KCNAB1: variants seen among roughly 807,000 people sequenced by gnomAD.
The protein encoded by KCNAB1 is potassium voltage-gated channel subfamily A regulatory beta subunit 1.
A neutral mutation model predicts 64.6 loss-of-function variants in KCNAB1; 35 were observed. The observed-to-expected ratio is 0.54, with a 90% CI of 0.41 to 0.72. KCNAB1 has a LOEUF of 0.72. Ranked by LOEUF, KCNAB1 falls within the 30% of genes least tolerant of loss-of-function variation. The pLI is 0.00. For missense variants in KCNAB1, 401 were observed against 512.9 expected, an observed-to-expected ratio of 0.78 and a Z score of 2.11; for synonymous variants, 177 against 183.8, an observed-to-expected ratio of 0.96 and a Z score of 0.30.
chr3:156,204,187 A>T (rs1480591774), intron 1 of KCNAB1, among the ~76,000 whole-genome samples: 2 of 152,234 alleles, frequency 1.3e-5, no homozygotes, highest in Non-Finnish European at 2.9e-5. Context: ...TTACATTCAT[A>T]AGTTAGCTGA....
At chr3:156,278,882 T>A (rs1347640712) in intron 1 of KCNAB1, among the ~76,000 whole-genome samples, 1 of 152,162 alleles carries the variant, frequency 6.6e-6, no homozygotes, top group African/African-American at 2.4e-5. Flanking sequence ...TTAATAATGC[T>A]CAGTAAAACA....
At chr3:156,144,197 C>A (rs942710265) in intron 1 of KCNAB1, among the ~76,000 whole-genome samples, 1 of 152,062 alleles carries the variant, frequency 6.6e-6, no homozygotes, top group African/African-American at 2.4e-5. Flanking sequence ...TTCAGAAGGA[C>A]AAGGTACTGA....
At chr3:156,179,357 T>A (rs558388504) in intron 1 of KCNAB1, among the ~76,000 whole-genome samples, 248 of 152,076 alleles carry the variant, frequency 1.6e-3, no homozygotes, top group African/African-American at 5.8e-3. Context: ...AGGGGGGATA[T>A]AAAATTTTAT....
At chr3:156,313,507 G>C (rs568874095) in intron 1 of KCNAB1, among the ~76,000 whole-genome samples, 4 of 152,326 alleles carry the variant, frequency 2.6e-5, no homozygotes, top group South Asian at 2.1e-4. Flanking sequence ...CAGACAGAAG[G>C]CGATGTGATG....
At chr3:156,433,967 C>T (rs920973214) in intron 2 of KCNAB1, among the ~76,000 whole-genome samples, 2 of 152,174 alleles carry the variant, frequency 1.3e-5, no homozygotes, top group African/African-American at 4.8e-5. Context: ...TTGACACTAC[C>T]ATCTGGCATG....
chr3:156,385,806 A>G (rs542913733), intron 1 of KCNAB1, among the ~76,000 whole-genome samples: 1 of 152,354 alleles, frequency 6.6e-6, no homozygotes, highest in East Asian at 1.9e-4. Context: ...ATATCTATAA[A>G]TTAAAGTGAG....
chr3:156,474,608 T>C, intron 7 of KCNAB1, 126 bp from the exon 8 acceptor site: 1 of 639,596 alleles, frequency 1.6e-6, no homozygotes, highest in South Asian at 1.8e-5. Context: ...ATCATTGTAT[T>C]CAACGCATTT....
At chr3:156,171,059 T>A (rs1480844918) in intron 1 of KCNAB1, among the ~76,000 whole-genome samples, 1 of 152,106 alleles carries the variant, frequency 6.6e-6, no homozygotes, top group Non-Finnish European at 1.5e-5. Flanking sequence ...GTGAGTGGGC[T>A]TTTACCCAAT....
chr3:156,413,500 A>G (rs1365797601), intron 1 of KCNAB1, among the ~76,000 whole-genome samples: 1 of 152,158 alleles, frequency 6.6e-6, no homozygotes, highest in Non-Finnish European at 1.5e-5. Context: ...AATCCTCACA[A>G]CAACCCTATG....
intron 2 of KCNAB1, among the ~76,000 whole-genome samples, chr3:156,436,459 A>G (rs549539128): frequency 6.6e-6 from 1 of 152,270 alleles, no homozygotes; most frequent in East Asian, 1.9e-4. Flanking sequence ...GTCAAATGGT[A>G]TTTCTGGATC....
At chr3:156,538,643 G>A (rs1296070444), downstream of KCNAB1, 2 of 152,202 alleles carry the variant, frequency 1.3e-5, no homozygotes, top group Non-Finnish European at 2.9e-5. Flanking sequence ...TAAGGCTTAT[G>A]TGTATTTTCC....
At chr3:156,272,920 AGGT>A (rs1719118876) in intron 1 of KCNAB1, among the ~76,000 whole-genome samples, 1 of 151,956 alleles carries the variant, frequency 6.6e-6, no homozygotes. Context: ...TCTAGTCAGC[AGGT>A]GGTGAATCCT....
At chr3:156,156,204 G>A (rs927954321) in intron 1 of KCNAB1, among the ~76,000 whole-genome samples, 2 of 152,176 alleles carry the variant, frequency 1.3e-5, no homozygotes, top group East Asian at 1.9e-4. Context: ...GGGCTTAGAG[G>A]TTAACTCCCA....
Position 156,127,809 on chromosome 3 carries a change from A to C in KCNAB1, c.275+6923A>C, listed in dbSNP as rs1713743095. Among the ~76,000 whole-genome samples, 4 of 151,494 alleles carry C rather than the reference A, an allele frequency of 2.6e-5. No individual in the cohort carries two copies. The South Asian group carries it at 8.3e-4, about 32-fold the overall frequency. ...TGCACAGGGACTTGGTTCAGTCTGC[A>C]CCCCTGTGACTGCTTTTTTGGTTAT... On this transcript the variant is annotated intron_variant, in intron 1 of 13. Transcript: ENST00000490337.
chr3:156,431,915 G>T (rs1370675615), intron 2 of KCNAB1, among the ~76,000 whole-genome samples: 1 of 152,146 alleles, frequency 6.6e-6, no homozygotes, highest in Non-Finnish European at 1.5e-5. Context: ...GGCTCTGGTT[G>T]GTTTATGTAT....
intron 5 of KCNAB1, chr3:156,460,653 C>T (rs1712831301): frequency 6.6e-6 from 1 of 152,222 alleles, no homozygotes; most frequent in South Asian, 2.1e-4. Context: ...CTGCTGATTA[C>T]CAAATAAATG....
At position 156,166,564 on chromosome 3, in the gene KCNAB1, A is replaced by G. The variant is rs527766618; in HGVS notation, c.275+45678A>G. Among the ~76,000 whole-genome samples, 314 of 150,980 alleles carry G rather than the reference A, an allele frequency of 2.1e-3. 1 individual carries two copies. Among genetic ancestry groups the G allele is most frequent in the African/African-American group, 7.0e-3 (289 of 41,376 alleles). On this transcript the variant is annotated intron_variant, in intron 1 of 13. Transcript: ENST00000490337. ...ACACACACACACACACAGATAGGCA[A>G]TATATGGTGTACTTTAAAACAGTCC...
intron 1 of KCNAB1, among the ~76,000 whole-genome samples, chr3:156,380,885 A>T (rs1712102523): frequency 6.6e-6 from 1 of 152,208 alleles, no homozygotes; most frequent in East Asian, 1.9e-4. Context: ...ACTCACTATA[A>T]CAGGAGATGG....
In KCNAB1 at chr3:156,292,018, G is replaced by A. The variant is rs572439206; in HGVS notation, c.276-129598G>A. 5 of 1,614,130 alleles carry A rather than the reference G, an allele frequency of 3.1e-6. No homozygotes were observed. In the South Asian group the frequency reaches 5.5e-5, roughly 18 times the overall value. On this transcript the variant is annotated intron_variant, in intron 1 of 13. Coordinates refer to ENST00000490337, the MANE Select transcript of KCNAB1 (RefSeq NM_172160.3). ...CCCCCAATGTGGTGAACGCAGCCCG[G>A]GCCAAATTCCGCACGGTCGCTATCA...
Sources: gnomAD v4.1 joint callset for allele counts (sites outside exome capture counted in the v4.1 genomes callset) on GRCh38, gnomAD v4.1.1 for gene constraint, MANE v1.5 for transcripts, NCBI Gene and HGNC (gene_info 2026-07-23, HGNC 2026-07-21) for gene names.